Variants in CREB5 observed in about 807,000 individuals in gnomAD.
CREB5 encodes cyclic AMP-responsive element-binding protein 5.
Under a neutral mutation model 57.1 loss-of-function variants are expected in CREB5, and 19 were observed. The ratio of observed to expected loss-of-function variants is 0.33; its 90% CI spans 0.23 to 0.49. The LOEUF (loss-of-function observed/expected upper bound fraction) is 0.49, where lower values mean the gene tolerates loss of function less well. CREB5 is among the 20% of genes least tolerant of loss of function. CREB5 has a pLI of 0.99. For synonymous variants in CREB5, 238 were observed against 238.3 expected (o/e 1.00, Z 0.01); for missense variants, 579 against 671.6 (o/e 0.86, Z 1.52).
intron 5 of CREB5, among the ~76,000 whole-genome samples, chr7:28,671,140 A>C (rs1800021762): frequency 6.6e-6 from 1 of 151,794 alleles, no homozygotes; most frequent in South Asian, 2.1e-4. Flanking sequence ...CTGTAGTCCC[A>C]CCTACGTGGG....
At chr7:28,748,267 G>T (rs1172762954) in intron 7 of CREB5, among the ~76,000 whole-genome samples, 1 of 152,174 alleles carries the variant, frequency 6.6e-6, no homozygotes, top group Admixed American at 6.5e-5. Context: ...GCCAAATTTT[G>T]TGGTAAATTC....
At chr7:28,631,531 A>G (rs539290341) in intron 5 of CREB5, among the ~76,000 whole-genome samples, 39 of 152,242 alleles carry the variant, frequency 2.6e-4, no homozygotes, top group Admixed American at 1.2e-3. Flanking sequence ...CTGCAGATGA[A>G]AGAGATGCCA....
Position 28,576,147 on chromosome 7 carries a change from G to A in CREB5, c.464+5610G>A, listed in dbSNP as rs932736014. 2.0e-5 allele frequency among the ~76,000 whole-genome samples: 3 copies of A among 152,136 alleles called. 1 individual carries two copies. The highest frequency in any genetic ancestry group is 3.8e-4 in the East Asian group (2 of 5,196). On this transcript the variant is annotated intron_variant, in intron 5 of 10. Coordinates refer to ENST00000357727, the MANE Select transcript of CREB5 (RefSeq NM_182898.4). Reference sequence around the variant, plus strand: ...TTAGTGTCATCTCAGCTTCCCACCTGGAACACAGCAAGCCTGCTCTACTCG... The same window carrying A: ...TTAGTGTCATCTCAGCTTCCCACCTAGAACACAGCAAGCCTGCTCTACTCG...
intron 4 of CREB5, among the ~76,000 whole-genome samples, chr7:28,525,137 A>G (rs926896592): frequency 6.6e-6 from 1 of 152,118 alleles, no homozygotes; most frequent in African/African-American, 2.4e-5. Context: ...AGTTCCATCC[A>G]TGTTGCTGTA....
In CREB5 at chr7:28,767,225, T is replaced by C. The variant is rs151030323; in HGVS notation, c.703-36974T>C. 1.6e-4 allele frequency among the ~76,000 whole-genome samples: 24 copies of C among 152,368 alleles called. No individual in the cohort carries two copies. In the East Asian group the frequency reaches 2.9e-3, roughly 18 times the overall value. On this transcript the variant is annotated intron_variant, in intron 7 of 10. Coordinates refer to ENST00000357727, the MANE Select transcript of CREB5 (RefSeq NM_182898.4). ...CCATTTTAAAATTCTTGCTGCCCTG[T>C]TCCATGTATGCATTTATTTTTGTTT... is the stretch of plus-strand genomic sequence containing the variant.
intron 1 of CREB5, among the ~76,000 whole-genome samples, chr7:28,310,557 C>T (rs1785257952): frequency 6.6e-6 from 1 of 152,214 alleles, no homozygotes; most frequent in African/African-American, 2.4e-5. Flanking sequence ...TTTAGCGTTT[C>T]ACATCAATTT....
At chr7:28,675,294 G>A (rs753761698) in intron 5 of CREB5, among the ~76,000 whole-genome samples, 5 of 152,128 alleles carry the variant, frequency 3.3e-5, no homozygotes, top group African/African-American at 4.8e-5. Flanking sequence ...CTGGCATCTC[G>A]TTTGTTTTGT....
intron 5 of CREB5, among the ~76,000 whole-genome samples, chr7:28,602,569 G>A (rs1187289914): frequency 6.6e-6 from 1 of 152,104 alleles, no homozygotes; most frequent in African/African-American, 2.4e-5. Flanking sequence ...TAACTTGTAT[G>A]GACCTCAGAG....
At chr7:28,682,536 T>C (rs1800647183) in intron 5 of CREB5, among the ~76,000 whole-genome samples, 1 of 152,264 alleles carries the variant, frequency 6.6e-6, no homozygotes, top group Admixed American at 6.5e-5. Flanking sequence ...GTACATGTGA[T>C]AGTCATTACA....
At chr7:28,417,617 T>C (rs1258519850) in intron 1 of CREB5, among the ~76,000 whole-genome samples, 1 of 152,200 alleles carries the variant, frequency 6.6e-6, no homozygotes, top group Non-Finnish European at 1.5e-5. Context: ...TGAGCCTCTG[T>C]ATATTTTAAA....
intron 5 of CREB5, among the ~76,000 whole-genome samples, chr7:28,620,852 T>C (rs193170832): frequency 6.6e-5 from 10 of 152,238 alleles, no homozygotes; most frequent in Non-Finnish European, 1.2e-4. Flanking sequence ...AAAGACACAG[T>C]CTGTGATCCA....
chr7:28,488,293 C>A (rs756552018), intron 2 of CREB5, 47 bp downstream of exon 2: 1 of 1,575,386 alleles, frequency 6.3e-7, no homozygotes, highest in Non-Finnish European at 8.7e-7. Flanking sequence ...GCCTGCTTTC[C>A]GAAAGGGAAG....
chr7:28,337,273 C>G (rs1358894288), intron 1 of CREB5, among the ~76,000 whole-genome samples: 1 of 151,994 alleles, frequency 6.6e-6, no homozygotes, highest in Non-Finnish European at 1.5e-5. Flanking sequence ...GATGATCTAT[C>G]TAATGTTGAA....
chr7:28,512,579 T>C (rs1335681334), intron 4 of CREB5, among the ~76,000 whole-genome samples: 1 of 140,326 alleles, frequency 7.1e-6, no homozygotes, highest in Non-Finnish European at 1.6e-5. Context: ...CTTTTATGTT[T>C]AATGACTTAA....
intron 1 of CREB5, among the ~76,000 whole-genome samples, chr7:28,445,675 C>G (rs1364173932): frequency 1.3e-5 from 2 of 152,094 alleles, no homozygotes; most frequent in African/African-American, 4.8e-5. Flanking sequence ...CCTCAGCCTC[C>G]CGAGTAGCTG....
At chr7:28,306,555 G>GTTTTTTT (rs869277871) in intron 1 of CREB5, among the ~76,000 whole-genome samples, 18 of 58,084 alleles carry the variant, frequency 3.1e-4, no homozygotes, top group African/African-American at 6.5e-4. Context: ...TGTTTTTTTT[G>GTTTTTTT]TTTTTTTTTT....
intron 1 of CREB5, among the ~76,000 whole-genome samples, chr7:28,451,240 T>C (rs1789785962): frequency 1.3e-5 from 2 of 152,152 alleles, no homozygotes; most frequent in South Asian, 4.1e-4. Flanking sequence ...GTGCATTCAT[T>C]GCAATAACTT....
At chr7:28,812,003 T>A (rs1335576076) in intron 9 of CREB5, among the ~76,000 whole-genome samples, 2 of 152,236 alleles carry the variant, frequency 1.3e-5, no homozygotes, top group Non-Finnish European at 2.9e-5. Context: ...TTGTGCCCTG[T>A]GCATTGCAGG....
In CREB5 at chr7:28,395,758, CA is replaced by C. The variant is rs1787322424; in HGVS notation, c.-25+96320del. On this transcript the variant is annotated intron_variant, in intron 1 of 9. Coordinates refer to the CREB5 transcript ENST00000396299. ...AGGAAGCATTCTATGAAATGGTCTACAAACTAGGGCAAGGAGTTTCTTTTTT... is the reference window on the plus strand; with the variant it reads ...AGGAAGCATTCTATGAAATGGTCTACAACTAGGGCAAGGAGTTTCTTTTTT... Among the ~76,000 whole-genome samples the C allele has an allele frequency of 2.0e-5, 3 of 152,154 alleles. No individual in the cohort carries two copies. The South Asian group carries it at 6.2e-4, about 32-fold the overall frequency.
Sources: gnomAD v4.1 joint callset for allele counts (sites outside exome capture counted in the v4.1 genomes callset) on GRCh38, gnomAD v4.1.1 for gene constraint, MANE v1.5 for transcripts, NCBI Gene and HGNC (gene_info 2026-07-23, HGNC 2026-07-21) for gene names.